ADAMTS6: variants seen among roughly 807,000 people sequenced by gnomAD.
ADAMTS6 encodes the protein ADAM metallopeptidase with thrombospondin type 1 motif 6.
ADAMTS6 carries 23 observed loss-of-function variants against 144.3 expected under a neutral mutation model. The ratio of observed to expected loss-of-function variants is 0.16; its 90% CI spans 0.11 to 0.23. The LOEUF (loss-of-function observed/expected upper bound fraction) is 0.23, where lower values mean the gene tolerates loss of function less well. Among genes scored for constraint, ADAMTS6 ranks in the 10% least tolerant of loss-of-function variants. ADAMTS6 has a pLI of 1.00. For synonymous variants in ADAMTS6, 444 were observed against 457.5 expected, an observed-to-expected ratio of 0.97 and a Z score of 0.38; for missense variants, 999 against 1,379.6, an observed-to-expected ratio of 0.72 and a Z score of 4.37.
intron 7 of ADAMTS6, among the ~76,000 whole-genome samples, chr5:65,412,572 C>T (rs1342114458): frequency 6.6e-6 from 1 of 152,070 alleles, no homozygotes; most frequent in East Asian, 1.9e-4. Flanking sequence ...CATTCATAGG[C>T]ACACATCACT....
intron 7 of ADAMTS6, among the ~76,000 whole-genome samples, chr5:65,342,094 T>A (rs1747894747): frequency 6.6e-6 from 1 of 152,136 alleles, no homozygotes; most frequent in South Asian, 2.1e-4. Context: ...AAAACCCACA[T>A]AATCATCTCA....
chr5:65,327,028 T>A (rs1746235968), intron 9 of ADAMTS6, among the ~76,000 whole-genome samples: 1 of 152,134 alleles, frequency 6.6e-6, no homozygotes, highest in African/African-American at 2.4e-5. Context: ...GGGAGGTATT[T>A]GGGTAATGGG....
chr5:65,395,717 T>C (rs1408782363), intron 7 of ADAMTS6, among the ~76,000 whole-genome samples: 4 of 152,324 alleles, frequency 2.6e-5, no homozygotes, highest in African/African-American at 9.6e-5. Flanking sequence ...TAATGGGCTG[T>C]TAATATTTTA....
At chr5:65,479,866 C>T (rs889469871) in intron 1 of ADAMTS6, among the ~76,000 whole-genome samples, 7 of 152,194 alleles carry the variant, frequency 4.6e-5, no homozygotes, top group African/African-American at 1.7e-4. Flanking sequence ...AAGACCACTA[C>T]ACAGACTTCA....
intron 24 of ADAMTS6, among the ~76,000 whole-genome samples, chr5:65,157,806 T>G (rs893026785): frequency 1.3e-5 from 2 of 152,104 alleles, no homozygotes; most frequent in Non-Finnish European, 2.9e-5. Context: ...CCCTTGACAT[T>G]TTACATATTC....
At position 65,447,921 on chromosome 5, in the gene ADAMTS6, CAGAGCT is replaced by C. The variant is rs1223797347; in HGVS notation, c.1073+3548_1073+3553del. Among the ~76,000 whole-genome samples the C allele has an allele frequency of 2.1e-4, 31 of 150,572 alleles. 1 individual carries two copies. The highest frequency in any genetic ancestry group is 2.1e-3 in the Admixed American group (31 of 15,090). On this transcript the variant is annotated intron_variant, in intron 7 of 24. Transcript: ENST00000381055. ...ACATTATAGCACTAACTTTGGTATT[CAGAGCT>C]AAGATGTCAGATAGTTAATACAACA...
At chr5:65,286,015 C>T (rs1763334100) in intron 11 of ADAMTS6, among the ~76,000 whole-genome samples, 1 of 152,184 alleles carries the variant, frequency 6.6e-6, no homozygotes, top group Non-Finnish European at 1.5e-5. Flanking sequence ...AATATCTTAA[C>T]ATGCTCCCCA....
At chr5:65,257,081 C>T (rs570101327) in intron 14 of ADAMTS6, among the ~76,000 whole-genome samples, 206 of 147,966 alleles carry the variant, frequency 1.4e-3, no homozygotes, top group African/African-American at 5.0e-3. Context: ...CTGCCTGCCT[C>T]AGCCTCCCAA....
chr5:65,259,039 C>G (rs1480371383), intron 14 of ADAMTS6, among the ~76,000 whole-genome samples: 1 of 151,970 alleles, frequency 6.6e-6, no homozygotes, highest in African/African-American at 2.4e-5. Flanking sequence ...CTTGGGTACT[C>G]TAACATTGAG....
intron 20 of ADAMTS6, among the ~76,000 whole-genome samples, chr5:65,200,618 A>C (rs1215439503): frequency 2.0e-5 from 3 of 152,200 alleles, no homozygotes; most frequent in African/African-American, 7.2e-5. Flanking sequence ...TAGTGTCCAG[A>C]TCCCCTGGAA....
At chr5:65,309,350 T>C (rs553947179) in intron 9 of ADAMTS6, among the ~76,000 whole-genome samples, 1 of 151,022 alleles carries the variant, frequency 6.6e-6, no homozygotes, top group South Asian at 2.1e-4. Context: ...AGTGGGCAAT[T>C]AAGAACCCTC....
intron 7 of ADAMTS6, among the ~76,000 whole-genome samples, chr5:65,370,634 G>A (rs759021143): frequency 6.6e-6 from 1 of 152,198 alleles, no homozygotes. Flanking sequence ...TACGCCCACG[G>A]AGTCTCGCTG....
At chr5:65,316,197 C>T (rs907546264) in intron 9 of ADAMTS6, among the ~76,000 whole-genome samples, 1 of 152,290 alleles carries the variant, frequency 6.6e-6, no homozygotes, top group East Asian at 1.9e-4. Flanking sequence ...TAGGCATGAG[C>T]CACCACGCCC....
At chr5:65,442,993 T>G (rs1000790246) in intron 7 of ADAMTS6, among the ~76,000 whole-genome samples, 3 of 152,230 alleles carry the variant, frequency 2.0e-5, no homozygotes, top group Non-Finnish European at 4.4e-5. Flanking sequence ...TCCATGTCCC[T>G]GCAAAAGACA....
rs201163190 is a variant in ADAMTS6, at chr5:65,230,356, T to TTA, written c.1934-4139_1934-4138dup. On this transcript the variant is annotated intron_variant, in intron 15 of 24. Coordinates refer to ENST00000381055, the MANE Select transcript of ADAMTS6 (RefSeq NM_197941.4). The stretch of plus-strand genomic sequence containing the variant: ...ATATATATGAAATATATATAATACA[T>TTA]TATATATGAAATATATATAATACAT... Among the ~76,000 whole-genome samples the TTA allele has an allele frequency of 0.011, 261 of 24,272 alleles. 74 individuals carry two copies. In the African/African-American group the frequency reaches 0.19, roughly 17 times the overall value. The allele number at this position is 24,272 out of a possible 152,430, so 15.9% of individuals were successfully genotyped here.
intron 9 of ADAMTS6, among the ~76,000 whole-genome samples, chr5:65,304,784 C>A (rs756556881): frequency 6.6e-6 from 1 of 151,994 alleles, no homozygotes; most frequent in Middle Eastern, 3.4e-3. Flanking sequence ...GGAACAAGAT[C>A]TTTAGCACTA....
chr5:65,409,062 G>T (rs1316352752), intron 7 of ADAMTS6, among the ~76,000 whole-genome samples: 4 of 151,970 alleles, frequency 2.6e-5, no homozygotes, highest in African/African-American at 7.2e-5. Flanking sequence ...GATCTAAAAT[G>T]GACACCCTAA....
At chr5:65,407,384 A>T (rs1448403063) in intron 7 of ADAMTS6, among the ~76,000 whole-genome samples, 11 of 151,812 alleles carry the variant, frequency 7.2e-5, no homozygotes. Context: ...CATGTGCACA[A>T]CGTGCAGGTT....
intron 1 of ADAMTS6, among the ~76,000 whole-genome samples, chr5:65,476,153 T>C (rs1431433311): frequency 6.6e-6 from 1 of 152,202 alleles, no homozygotes; most frequent in African/African-American, 2.4e-5. Flanking sequence ...GCCTCTGATA[T>C]AACTAACAAG....
Sources: gnomAD v4.1 joint callset for allele counts (sites outside exome capture counted in the v4.1 genomes callset) on GRCh38, gnomAD v4.1.1 for gene constraint, MANE v1.5 for transcripts, NCBI Gene and HGNC (gene_info 2026-07-23, HGNC 2026-07-21) for gene names.